Variants in BLTP1 observed in about 807,000 individuals in gnomAD.
BLTP1 encodes bridge-like lipid transfer protein family member 1, also known as fragile site-associated protein.
At chr4:122,210,786 A>C in the BLTP1 span, 1 of 1,463,670 alleles carries the variant, frequency 6.8e-7, no homozygotes, top group Non-Finnish European at 9.1e-7. Context: ...TCATATTTGC[A>C]AAGTAAAATT....
At chr4:122,247,337 T>G in the BLTP1 span, 1 of 1,613,324 alleles carries the variant, frequency 6.2e-7, no homozygotes, top group Non-Finnish European at 8.5e-7. Context: ...CATGGGCAAC[T>G]TAGGGGTCTT....
At chr4:122,155,895 A>T in the BLTP1 span, 8 of 389,142 alleles carry the variant, frequency 2.1e-5, no homozygotes, top group Non-Finnish European at 2.8e-5. Context: ...GATTTAATAG[A>T]TGTAAAGAGG....
chr4:122,164,335 A>G, the BLTP1 span: 3 of 891,272 alleles, frequency 3.4e-6, no homozygotes, highest in Non-Finnish European at 4.0e-6. Flanking sequence ...TTCTTTTTAA[A>G]TTATGGAAAT....
chr4:122,356,916 G>A, the BLTP1 span: 1 of 985,256 alleles, frequency 1.0e-6, no homozygotes, highest in South Asian at 4.7e-5. Context: ...GACTTTCTGA[G>A]TACTTGCTAT....
the BLTP1 span, chr4:122,247,901 A>C: frequency 1.0e-6 from 1 of 978,294 alleles, no homozygotes; most frequent in African/African-American, 1.8e-5. Context: ...TTAGATGCTT[A>C]AATGTTTTCA....
chr4:122,211,336 T>A, the BLTP1 span, among the ~76,000 whole-genome samples: 55 of 152,244 alleles, frequency 3.6e-4, no homozygotes, highest in African/African-American at 1.2e-3. Flanking sequence ...TGCTAGTTGC[T>A]ATAGATAGAG....
At chr4:122,168,003 G>A in the BLTP1 span, 1 of 624,690 alleles carries the variant, frequency 1.6e-6, no homozygotes, top group Non-Finnish European at 2.0e-6. Context: ...CAACATTTTT[G>A]TTTGGATTCT....
the BLTP1 span, chr4:122,200,526 G>C: frequency 2.2e-6 from 2 of 917,802 alleles, no homozygotes; most frequent in Non-Finnish European, 2.6e-6. Context: ...GTTGCAGTGA[G>C]GCGAGATGTG....
At chr4:122,295,158 G>A in the BLTP1 span, among the ~76,000 whole-genome samples, 14 of 152,070 alleles carry the variant, frequency 9.2e-5, no homozygotes, top group African/African-American at 3.4e-4. Context: ...GAAAGAGATG[G>A]GGAGAATGGA....
the BLTP1 span, chr4:122,195,683 A>T: frequency 2.4e-6 from 2 of 822,470 alleles, no homozygotes; most frequent in South Asian, 5.5e-5. Flanking sequence ...GTAGTCAATG[A>T]TCATCTAATG....
chr4:122,321,044 C>T, the BLTP1 span, among the ~76,000 whole-genome samples: 11 of 145,946 alleles, frequency 7.5e-5, no homozygotes, highest in East Asian at 2.0e-4. Flanking sequence ...AGATTCTTCT[C>T]GGCTTATGAT....
chr4:122,262,148 TTGTGTGTG>T, the BLTP1 span, among the ~76,000 whole-genome samples: 23 of 133,518 alleles, frequency 1.7e-4, no homozygotes, highest in Middle Eastern at 3.9e-3. Flanking sequence ...TACAGATCCT[TTGTGTGTG>T]TGTGTGTGTG....
At chr4:122,181,941 A>T in the BLTP1 span, among the ~76,000 whole-genome samples, 1 of 152,198 alleles carries the variant, frequency 6.6e-6, no homozygotes, top group Non-Finnish European at 1.5e-5. Context: ...TAATTGCAAA[A>T]GTAATAATTG....
chr4:122,343,682 AATC>A, the BLTP1 span: 2 of 1,510,212 alleles, frequency 1.3e-6, no homozygotes, highest in Non-Finnish European at 1.8e-6. Context: ...TATTTTCATA[AATC>A]ATAAGGACAT....
chr4:122,223,394 A>G, the BLTP1 span, among the ~76,000 whole-genome samples: 1 of 152,202 alleles, frequency 6.6e-6, no homozygotes, highest in Admixed American at 6.5e-5. Context: ...GTATACTGGT[A>G]TGTTGAAGGC....
At chr4:122,297,068 A>G in the BLTP1 span, among the ~76,000 whole-genome samples, 1 of 152,222 alleles carries the variant, frequency 6.6e-6, no homozygotes. Context: ...AAATTGATAA[A>G]TGGGATCTAA....
chr4:122,156,038 A>G, the BLTP1 span: 1 of 889,166 alleles, frequency 1.1e-6, no homozygotes, highest in African/African-American at 1.8e-5. Flanking sequence ...CTGGCTTGGG[A>G]AACTGAGTAG....
chr4:122,198,085 G>A, the BLTP1 span: 1 of 985,158 alleles, frequency 1.0e-6, no homozygotes, highest in African/African-American at 1.7e-5. Context: ...TTATTTTGGT[G>A]CTGTAAGAGG....
chr4:122,306,324 C>T, the BLTP1 span, among the ~76,000 whole-genome samples: 2 of 152,166 alleles, frequency 1.3e-5, no homozygotes, highest in East Asian at 3.9e-4. Flanking sequence ...ATAATTAATG[C>T]ACCCATTTGT....
Sources: allele counts gnomAD v4.1 joint callset (sites outside exome capture counted in the v4.1 genomes callset), GRCh38; gene constraint gnomAD v4.1.1; transcripts MANE v1.5; gene names NCBI Gene and HGNC (gene_info 2026-07-23, HGNC 2026-07-21).